NBEA: variants seen among roughly 807,000 people sequenced by gnomAD.
NBEA encodes neurobeachin, also known as lysosomal-trafficking regulator 2.
NBEA carries 44 observed loss-of-function variants against 343.4 expected under a neutral mutation model. That is an observed-to-expected ratio of 0.13 (90% confidence interval 0.10 to 0.16). The LOEUF is 0.16. Among genes scored for constraint, NBEA ranks in the 10% least tolerant of loss-of-function variants. NBEA has a pLI of 1.00. For missense variants in NBEA, 2,555 were observed against 3,631.3 expected (o/e 0.70, Z 7.62); for synonymous variants, 1,175 against 1,238.7 (o/e 0.95, Z 1.08).
intron 38 of NBEA, among the ~76,000 whole-genome samples, chr13:35,403,718 C>A (rs573772861): frequency 4.0e-5 from 6 of 151,840 alleles, no homozygotes; most frequent in Non-Finnish European, 8.8e-5. Flanking sequence ...GTCTAAAACA[C>A]CAAAAGCAAT....
chr13:35,421,127 G>C (rs1210025452), intron 38 of NBEA, among the ~76,000 whole-genome samples: 1 of 151,774 alleles, frequency 6.6e-6, no homozygotes, highest in Non-Finnish European at 1.5e-5. Context: ...TAGTACTATA[G>C]ATTACCCTCT....
intron 30 of NBEA, among the ~76,000 whole-genome samples, chr13:35,189,679 C>T (rs1379952470): frequency 3.3e-5 from 5 of 151,902 alleles, no homozygotes; most frequent in Non-Finnish European, 7.4e-5. Flanking sequence ...GAGTTCTAAA[C>T]ATTACTTGTA....
chr13:35,155,127 G>A (rs1286231675), intron 18 of NBEA, among the ~76,000 whole-genome samples: 1 of 84,994 alleles, frequency 1.2e-5, no homozygotes, highest in Non-Finnish European at 2.1e-5. Context: ...GTGAGATTCT[G>A]TCTCTAAAAA....
At position 35,612,949 on chromosome 13, in the gene NBEA, A is replaced by C. The variant is rs144851556; in HGVS notation, c.7449+6371A>C. On this transcript the variant is annotated intron_variant, in intron 48 of 58. Transcript: ENST00000379939. ...ATTTTATTTTTAATTGACAATTAAT[A>C]ATTGTTTATATTTATGGGGTATACT... is the stretch of plus-strand genomic sequence containing the variant. Among the ~76,000 whole-genome samples the C allele has an allele frequency of 4.7e-3, 711 of 152,120 alleles. 7 individuals are homozygous for C. The highest frequency in any genetic ancestry group is 0.016 in the African/African-American group (676 of 41,534).
intron 30 of NBEA, among the ~76,000 whole-genome samples, chr13:35,188,476 G>A (rs941429431): frequency 3.9e-5 from 6 of 151,990 alleles, no homozygotes; most frequent in African/African-American, 1.4e-4. Flanking sequence ...CCCTATATAA[G>A]TAAAATTATA....
At chr13:35,417,306 T>C (rs2043974128) in intron 38 of NBEA, among the ~76,000 whole-genome samples, 1 of 152,176 alleles carries the variant, frequency 6.6e-6, no homozygotes, top group African/African-American at 2.4e-5. Flanking sequence ...CTTGCTTCTC[T>C]AGTTCTTTTA....
At chr13:35,541,663 C>T (rs143143900) in intron 41 of NBEA, among the ~76,000 whole-genome samples, 157 of 151,364 alleles carry the variant, frequency 1.0e-3, no homozygotes, top group Admixed American at 3.4e-3. Flanking sequence ...TGCTGTGGTC[C>T]AGATTTTCTA....
chr13:35,075,590 C>G (rs1445434695), intron 10 of NBEA, among the ~76,000 whole-genome samples: 1 of 151,974 alleles, frequency 6.6e-6, no homozygotes, highest in Non-Finnish European at 1.5e-5. Flanking sequence ...TGTCAACAGT[C>G]CTATCATATG....
chr13:35,124,260 T>G (rs2152677965), intron 17 of NBEA, among the ~76,000 whole-genome samples: 2 of 151,654 alleles, frequency 1.3e-5, no homozygotes. Flanking sequence ...CTTGTTTTTT[T>G]TTTTTTTTGG....
At chr13:34,990,157 G>A (rs1359948360) in intron 1 of NBEA, among the ~76,000 whole-genome samples, 1 of 151,006 alleles carries the variant, frequency 6.6e-6, no homozygotes, top group South Asian at 2.1e-4. Flanking sequence ...CAAGCCGTCA[G>A]TGGGTCTACC....
intron 27 of NBEA, among the ~76,000 whole-genome samples, chr13:35,174,483 G>GT (rs1249004301): frequency 6.6e-6 from 1 of 152,128 alleles, no homozygotes; most frequent in African/African-American, 2.4e-5. Flanking sequence ...TGAAATAGAA[G>GT]TTTAATTCAT....
At chr13:35,075,944 C>A (rs1270243911) in intron 10 of NBEA, among the ~76,000 whole-genome samples, 4 of 151,836 alleles carry the variant, frequency 2.6e-5, no homozygotes, top group South Asian at 2.1e-4. Flanking sequence ...GAAAAAATAT[C>A]TATTATATAC....
intron 49 of NBEA, among the ~76,000 whole-genome samples, chr13:35,632,422 G>A (rs575306033): frequency 6.6e-6 from 1 of 151,922 alleles, no homozygotes; most frequent in East Asian, 1.9e-4. Context: ...AGATCCCTAG[G>A]CAACTTGTTT....
chr13:35,141,142 C>A (rs2068067827), intron 17 of NBEA, among the ~76,000 whole-genome samples: 1 of 152,140 alleles, frequency 6.6e-6, no homozygotes, highest in South Asian at 2.1e-4. Context: ...AAGAAAGGAA[C>A]CAGAGTTTAG....
chr13:35,087,012 A>T (rs2064807747), intron 10 of NBEA, among the ~76,000 whole-genome samples: 2 of 151,124 alleles, frequency 1.3e-5, no homozygotes, highest in Admixed American at 1.3e-4. Context: ...TTTATTGTTG[A>T]GTTGTTTGAG....
chr13:35,300,407 A>G (rs2036465026), intron 35 of NBEA, among the ~76,000 whole-genome samples: 1 of 152,140 alleles, frequency 6.6e-6, no homozygotes, highest in African/African-American at 2.4e-5. Flanking sequence ...TGCCTACCCA[A>G]GTTTGTTACA....
chr13:35,143,287 C>G (rs1390650849), intron 18 of NBEA, among the ~76,000 whole-genome samples: 2 of 152,332 alleles, frequency 1.3e-5, no homozygotes. Context: ...TTGTTATGCT[C>G]TCCTCACCTT....
chr13:35,082,177 T>C (rs537194486), intron 10 of NBEA, among the ~76,000 whole-genome samples: 1 of 152,168 alleles, frequency 6.6e-6, no homozygotes, highest in Non-Finnish European at 1.5e-5. Flanking sequence ...TTTGGTTTTT[T>C]TGTCCCTGAG....
Position 35,472,440 on chromosome 13 carries a change from C to G in NBEA, c.6489C>G (p.Pro2163=). Residue 2163 remains proline, a synonymous_variant, in exon 41 of 59, where the codon CCC becomes CCG. Transcript: ENST00000379939. ...VLSTPAQLIA[P]VVVAKGTLSI... is the part of the protein sequence containing the mutation. Reference sequence around the variant, plus strand: ...GCACCCCTGCCCAGCTCATCGCTCCCGTGGTGGTGGCCAAGGGGACTCTCT... The same window carrying G: ...GCACCCCTGCCCAGCTCATCGCTCCGGTGGTGGTGGCCAAGGGGACTCTCT... 6.2e-7 allele frequency: 1 copy of G among 1,613,968 alleles called. No homozygotes were observed. The highest frequency in any genetic ancestry group is 1.1e-5 in the South Asian group (1 of 91,068).
Sources: gnomAD v4.1 joint callset for allele counts (sites outside exome capture counted in the v4.1 genomes callset) on GRCh38, gnomAD v4.1.1 for gene constraint, MANE v1.5 for transcripts, NCBI Gene and HGNC (gene_info 2026-07-23, HGNC 2026-07-21) for gene names.